Variants in RBM19 observed in about 807,000 individuals in gnomAD.
The protein encoded by RBM19 is probable RNA-binding protein 19.
In RBM19, 94 loss-of-function variants were observed where a neutral mutation model predicts 116.8. The ratio of observed to expected loss-of-function variants is 0.80; its 90% confidence interval spans 0.68 to 0.95. RBM19 has a LOEUF of 0.95. Ranked by LOEUF, RBM19 falls within the 40% of genes least tolerant of loss-of-function variation. The pLI, the probability that RBM19 is intolerant of heterozygous loss-of-function variation, is 0.00. For missense variants in RBM19, 1,161 were observed against 1,220.7 expected, an observed-to-expected ratio of 0.95 and a Z score of 0.73; for synonymous variants, 475 against 494.1, an observed-to-expected ratio of 0.96 and a Z score of 0.51.
chr12:113,894,796 C>A (rs972728259), intron 21 of RBM19, among the ~76,000 whole-genome samples: 1 of 152,222 alleles, frequency 6.6e-6, no homozygotes, highest in Non-Finnish European at 1.5e-5. Flanking sequence ...AGAGCAGAGT[C>A]CAAGCACTGG....
chr12:113,879,446 T>TATATATATATATATATATATATACATAC (rs893952657), intron 21 of RBM19, among the ~76,000 whole-genome samples: 2 of 142,260 alleles, frequency 1.4e-5, no homozygotes, highest in East Asian at 3.0e-4. Flanking sequence ...TATATATATA[T>TATATATATATATATATATATATACATAC]ATATGGACTT....
rs1323693829 is a variant in RBM19, at chr12:113,822,348, G to A, written c.*876C>T. The stretch of plus-strand genomic sequence containing the variant: ...TCAGGCTGGAGAAAATGTGAACACG[G>A]GCGCCTGAGAGAAGCCTGGGGATGC... On this transcript the variant is annotated 3_prime_UTR_variant, in exon 24 of 24. Coordinates refer to ENST00000261741, the MANE Select transcript of RBM19 (RefSeq NM_016196.4). 6.6e-6 allele frequency: 1 copy of A among 152,268 alleles called. No homozygotes were observed. The highest frequency in any genetic ancestry group is 2.4e-5 in the African/African-American group (1 of 41,468). The allele number at this position is 152,268 out of a possible 1,614,324, so 9.4% of individuals were successfully genotyped here.
chr12:113,930,476 C>T (rs1869507101), intron 16 of RBM19, among the ~76,000 whole-genome samples: 1 of 152,232 alleles, frequency 6.6e-6, no homozygotes, highest in African/African-American at 2.4e-5. Flanking sequence ...CAGATCCCTT[C>T]CCTGGCAGAT....
At chr12:113,857,217 C>T (rs1027238650) in intron 22 of RBM19, among the ~76,000 whole-genome samples, 3 of 152,346 alleles carry the variant, frequency 2.0e-5, no homozygotes, top group African/African-American at 7.2e-5. Context: ...CTTCTATCCA[C>T]AGAGCATCAC....
chr12:113,955,328 G>A (rs186499569), intron 6 of RBM19, 117 bp from the exon 7 acceptor site: 5 of 938,092 alleles, frequency 5.3e-6, no homozygotes, highest in African/African-American at 1.6e-5. Context: ...GGGGGAGCTG[G>A]GGAATGCTGG....
intron 22 of RBM19, among the ~76,000 whole-genome samples, chr12:113,848,176 T>C (rs191975569): frequency 1.1e-4 from 17 of 152,354 alleles, no homozygotes; most frequent in East Asian, 7.7e-4. Flanking sequence ...ACATAACATG[T>C]GTCACTTAAG....
At chr12:113,855,593 GAAGGAA>G (rs1198817472) in intron 22 of RBM19, among the ~76,000 whole-genome samples, 1 of 152,170 alleles carries the variant, frequency 6.6e-6, no homozygotes, top group African/African-American at 2.4e-5. Context: ...AAGGGTTTTT[GAAGGAA>G]ATCTCCTTCC....
chr12:113,907,141 C>A (rs1198141206), intron 21 of RBM19, among the ~76,000 whole-genome samples: 9 of 149,852 alleles, frequency 6.0e-5, no homozygotes, highest in African/African-American at 2.0e-4. Flanking sequence ...TTAAGACCCC[C>A]ATTGTGGCAT....
At chr12:113,957,672 G>A in intron 6 of RBM19, 110 bp downstream of exon 6, 1 of 1,444,710 alleles carries the variant, frequency 6.9e-7, no homozygotes. Flanking sequence ...TTGGACTGCA[G>A]AGCTGCGTCT....
intron 21 of RBM19, among the ~76,000 whole-genome samples, chr12:113,900,731 G>A (rs902234123): frequency 1.3e-5 from 2 of 152,184 alleles, no homozygotes; most frequent in African/African-American, 2.4e-5. Context: ...CAGCTAACCC[G>A]AGTATGTCCT....
At chr12:113,958,103 C>G in intron 5 of RBM19, 53 bp from the exon 6 acceptor site, 1 of 1,551,308 alleles carries the variant, frequency 6.4e-7, no homozygotes, top group Non-Finnish European at 8.7e-7. Context: ...AACCAGAGGT[C>G]AGAGGTAGCA....
chr12:113,945,079 C>T (rs994893873), intron 13 of RBM19, among the ~76,000 whole-genome samples: 3 of 152,132 alleles, frequency 2.0e-5, no homozygotes, highest in African/African-American at 7.2e-5. Context: ...GAGATTTCTG[C>T]TTCTAGCAAA....
At chr12:113,881,231 G>C (rs914971704) in intron 21 of RBM19, among the ~76,000 whole-genome samples, 46 of 152,210 alleles carry the variant, frequency 3.0e-4, no homozygotes, top group African/African-American at 1.1e-3. Flanking sequence ...GACAGGTACA[G>C]TTGCCATGAT....
chr12:113,836,845 T>TACAC (rs1565964526), intron 23 of RBM19, among the ~76,000 whole-genome samples: 2 of 80,832 alleles, frequency 2.5e-5, no homozygotes, highest in African/African-American at 9.9e-5. Context: ...CACACACACG[T>TACAC]GTCCCAAGCA....
intron 20 of RBM19, among the ~76,000 whole-genome samples, chr12:113,917,584 G>A (rs1882842962): frequency 6.6e-6 from 1 of 152,188 alleles, no homozygotes; most frequent in Non-Finnish European, 1.5e-5. Context: ...AACAAAGAAA[G>A]AAGGAAAAAG....
chr12:113,863,205 G>A (rs1015688047), intron 21 of RBM19, among the ~76,000 whole-genome samples: 12 of 91,422 alleles, frequency 1.3e-4, no homozygotes, highest in Admixed American at 3.8e-4. Context: ...GACACAATAC[G>A]TGTGTCTGTG....
intron 20 of RBM19, among the ~76,000 whole-genome samples, chr12:113,916,860 C>T (rs1162459758): frequency 6.6e-6 from 1 of 152,206 alleles, no homozygotes; most frequent in Admixed American, 6.5e-5. Context: ...GAATTCCCAG[C>T]TAAGCTGCTC....
chr12:113,948,890 G>T lies in RBM19; in HGVS notation c.1219C>A (p.Arg407=). The change falls in exon 10 of 24, where the codon CGG becomes AGG. Residue 407 remains arginine, a synonymous_variant. Transcript: ENST00000261741. ...DLAESGRLFV[R]NLPYTSTEED... ...TCGGTGCTGGTGTAGGGCAGGTTCCGTACAAAGAGCCTTCCGGATTCGGCC... is the reference window on the plus strand; with the variant it reads ...TCGGTGCTGGTGTAGGGCAGGTTCCTTACAAAGAGCCTTCCGGATTCGGCC... 1 of 1,614,202 alleles carries T rather than the reference G, an allele frequency of 6.2e-7. No individual in the cohort carries two copies.
intron 21 of RBM19, among the ~76,000 whole-genome samples, chr12:113,889,623 T>G (rs1200103257): frequency 6.6e-6 from 1 of 151,934 alleles, no homozygotes; most frequent in Non-Finnish European, 1.5e-5. Context: ...TGCTTTCTAG[T>G]GTCGCTGACA....
Sources: gnomAD v4.1 joint callset for allele counts (sites outside exome capture counted in the v4.1 genomes callset) on GRCh38, gnomAD v4.1.1 for gene constraint, MANE v1.5 for transcripts, NCBI Gene and HGNC (gene_info 2026-07-23, HGNC 2026-07-21) for gene names.